GRM1: variants seen among roughly 807,000 people sequenced by gnomAD.
GRM1 encodes the protein metabotropic glutamate receptor 1.
In GRM1, 33 loss-of-function variants were observed where a neutral mutation model predicts 90.9. That is an observed-to-expected ratio of 0.36 (90% CI 0.28 to 0.49). The LOEUF (loss-of-function observed/expected upper bound fraction) is 0.49, where lower values mean the gene tolerates loss of function less well. Among genes scored for constraint, GRM1 ranks in the 20% least tolerant of loss-of-function variants. The pLI is 0.99. For missense variants in GRM1, 1,190 were observed against 1,534.3 expected, an observed-to-expected ratio of 0.78 and a Z score of 3.75; for synonymous variants, 700 against 613.2, an observed-to-expected ratio of 1.14 and a Z score of -2.09.
intron 2 of GRM1, among the ~76,000 whole-genome samples, chr6:146,224,541 C>T (rs1033237563): frequency 6.6e-6 from 1 of 152,092 alleles, no homozygotes; most frequent in Non-Finnish European, 1.5e-5. Flanking sequence ...TAATTTTCTT[C>T]TAACCTTAAG....
Position 146,399,202 on chromosome 6 carries a change from GGTAACCCT to G in GRM1, c.2165_2172del (p.Val722AspfsTer119), listed in dbSNP as rs1562669127. The G allele has an allele frequency of 6.2e-7, 1 of 1,614,040 alleles. No homozygotes were observed. Among genetic ancestry groups the G allele is most frequent in the Non-Finnish European group, 8.5e-7 (1 of 1,179,996 alleles). ...TGATTAGTGTGCAACTAACCCTGGTGGTAACCCTGATCATCATGGAACCCCCTATGCCC... is the reference window on the plus strand; with the variant it reads ...TGATTAGTGTGCAACTAACCCTGGTGGATCATCATGGAACCCCCTATGCCC... On this transcript the variant is annotated frameshift_variant, in exon 7 of 8. Transcript: ENST00000282753. LOFTEE classifies it high-confidence loss of function. The surrounding 1 kb of genome is among the most constrained non-coding windows in gnomAD (Gnocchi z 5.4).
intron 7 of GRM1, among the ~76,000 whole-genome samples, chr6:146,402,425 G>T (rs1777191698): frequency 6.6e-6 from 1 of 151,964 alleles, no homozygotes. Context: ...CCTTTTTATT[G>T]CCATTTTATA....
chr6:146,159,305 T>G, intron 1 of GRM1, 43 bp from the exon 2 acceptor site: 1 of 1,612,840 alleles, frequency 6.2e-7, no homozygotes, highest in Non-Finnish European at 8.5e-7. Context: ...AGTAGTGTTA[T>G]TGCCACAGTT....
At chr6:146,285,048 C>T (rs1001091570) in intron 2 of GRM1, among the ~76,000 whole-genome samples, 1 of 152,140 alleles carries the variant, frequency 6.6e-6, no homozygotes, top group African/African-American at 2.4e-5. Flanking sequence ...TTCCTCCTTT[C>T]ATACAATCTT....
intron 1 of GRM1, among the ~76,000 whole-genome samples, chr6:146,140,524 C>T (rs75613832): frequency 0.043 from 6,518 of 152,224 alleles, 175 homozygotes; most frequent in Admixed American, 0.06. Context: ...CCACCTCAGC[C>T]TCCCAAAATT....
intron 1 of GRM1, among the ~76,000 whole-genome samples, chr6:146,117,746 T>C (rs1262940656): frequency 6.6e-6 from 1 of 152,132 alleles, no homozygotes; most frequent in African/African-American, 2.4e-5. Flanking sequence ...ATCTATAGCC[T>C]TTATAAGACC....
chr6:146,322,574 C>CTTTTATTTTATTATTTTA (rs1784236000), intron 3 of GRM1, among the ~76,000 whole-genome samples: 1 of 144,878 alleles, frequency 6.9e-6, no homozygotes, highest in Non-Finnish European at 1.5e-5. Context: ...TGCTGCCTTT[C>CTTTTATTTTATTATTTTA]TTTTATTTTA....
intron 6 of GRM1, among the ~76,000 whole-genome samples, chr6:146,393,727 G>A (rs1776818726): frequency 6.6e-6 from 1 of 151,332 alleles, no homozygotes; most frequent in Non-Finnish European, 1.5e-5. Context: ...TTCCCATCAA[G>A]CTACCATTGA....
At chr6:146,108,952 T>A (rs577524136) in intron 1 of GRM1, among the ~76,000 whole-genome samples, 99 of 152,284 alleles carry the variant, frequency 6.5e-4, no homozygotes, top group African/African-American at 2.3e-3. Context: ...TTAGGGTATC[T>A]GGCAGAAGAA....
intron 2 of GRM1, among the ~76,000 whole-genome samples, chr6:146,287,375 T>C (rs1782804561): frequency 6.6e-6 from 1 of 152,180 alleles, no homozygotes; most frequent in Non-Finnish European, 1.5e-5. Flanking sequence ...CATTTAAGCA[T>C]GAAATTATTT....
chr6:146,382,380 A>G (rs1252193167), intron 5 of GRM1, among the ~76,000 whole-genome samples: 2 of 151,936 alleles, frequency 1.3e-5, no homozygotes, highest in Non-Finnish European at 2.9e-5. Context: ...TATTTGTAAA[A>G]CAATTAGAGG....
chr6:146,344,897 C>T (rs971975108), intron 3 of GRM1, among the ~76,000 whole-genome samples: 8 of 152,080 alleles, frequency 5.3e-5, no homozygotes, highest in African/African-American at 1.9e-4. Flanking sequence ...CCACAGCCTC[C>T]ACGTCCCAGG....
chr6:146,145,567 C>T (rs971963859), intron 1 of GRM1, among the ~76,000 whole-genome samples: 1 of 152,170 alleles, frequency 6.6e-6, no homozygotes, highest in African/African-American at 2.4e-5. Flanking sequence ...TGGTGGCGTC[C>T]ACATGGTGCT....
At position 146,290,531 on chromosome 6, in the gene GRM1, G is replaced by A. The variant is rs553609039; in HGVS notation, c.951-14080G>A. Among the ~76,000 whole-genome samples the A allele has an allele frequency of 2.6e-3, 389 of 152,254 alleles. 3 individuals are homozygous for A. The highest frequency in any genetic ancestry group is 9.2e-3 in the African/African-American group (382 of 41,560). On this transcript the variant is annotated intron_variant, in intron 2 of 7. Coordinates refer to ENST00000282753, the MANE Select transcript of GRM1 (RefSeq NM_001278064.2). The stretch of plus-strand genomic sequence containing the variant: ...CCAAGTCTCATGACCAGAGGGCAGA[G>A]CCTGTAACCATAGGGAATTATTCCC...
At chr6:146,380,915 C>G (rs1420587085) in intron 5 of GRM1, among the ~76,000 whole-genome samples, 4 of 152,170 alleles carry the variant, frequency 2.6e-5, no homozygotes. Context: ...GAAGTGTCCT[C>G]TGGGAGCTAG....
At chr6:146,214,958 G>T (rs918490726) in intron 2 of GRM1, among the ~76,000 whole-genome samples, 1 of 152,148 alleles carries the variant, frequency 6.6e-6, no homozygotes, top group Non-Finnish European at 1.5e-5. Context: ...GAGGGCTTGT[G>T]ATCTACCTTG....
chr6:146,068,303 C>T (rs1198756386), intron 1 of GRM1, among the ~76,000 whole-genome samples: 4 of 152,002 alleles, frequency 2.6e-5, no homozygotes, highest in Non-Finnish European at 4.4e-5. Flanking sequence ...TTAGTAGAGA[C>T]GGGTTTTCAC....
At chr6:146,128,884 T>G (rs977088083) in intron 1 of GRM1, among the ~76,000 whole-genome samples, 1 of 152,170 alleles carries the variant, frequency 6.6e-6, no homozygotes, top group Non-Finnish European at 1.5e-5. Context: ...CCTTGCATTT[T>G]CATTATGAAA....
chr6:146,419,068 G>A (rs1156840624), intron 7 of GRM1, among the ~76,000 whole-genome samples: 1 of 152,118 alleles, frequency 6.6e-6, no homozygotes, highest in Non-Finnish European at 1.5e-5. Context: ...GAGAGGTACT[G>A]AGATTTCGCC....
Sources: allele counts gnomAD v4.1 joint callset (sites outside exome capture counted in the v4.1 genomes callset), GRCh38; gene constraint gnomAD v4.1.1; non-coding constraint Gnocchi (gnomAD v3.1); transcripts MANE v1.5; gene names NCBI Gene and HGNC (gene_info 2026-07-23, HGNC 2026-07-21).